The following VPS13D variants were observed in gnomAD, a reference collection of about 807,000 sequenced individuals.
VPS13D encodes vacuolar protein sorting 13 homolog D, also known as intermembrane lipid transfer protein VPS13D.
VPS13D carries 187 observed loss-of-function variants against 461.9 expected under a neutral mutation model. The ratio of observed to expected loss-of-function variants is 0.40; its 90% CI spans 0.36 to 0.46. The LOEUF (loss-of-function observed/expected upper bound fraction) is 0.46. VPS13D is among the 20% of genes least tolerant of loss of function. VPS13D has a pLI of 0.60. For synonymous variants in VPS13D, 1,951 were observed against 1,986.3 expected (o/e 0.98, Z 0.47); for missense variants, 4,711 against 5,364.9 (o/e 0.88, Z 3.81).
At chr1:12,352,106 A>G (rs1456702362) in intron 46 of VPS13D, among the ~76,000 whole-genome samples, 2 of 151,780 alleles carry the variant, frequency 1.3e-5, no homozygotes, top group Non-Finnish European at 1.5e-5. Flanking sequence ...CCTGGCCAAT[A>G]TGGTGAAACT....
At chr1:12,320,532 T>G (rs1418028801) in intron 32 of VPS13D, among the ~76,000 whole-genome samples, 3 of 152,174 alleles carry the variant, frequency 2.0e-5, no homozygotes, top group African/African-American at 7.2e-5. Flanking sequence ...ACAAACATAG[T>G]GGAATAAAGC....
rs542770506 is a variant in VPS13D, at chr1:12,457,806, G to A, written c.12466+1676G>A. 5.5e-4 allele frequency among the ~76,000 whole-genome samples: 84 copies of A among 152,316 alleles called. No individual in the cohort carries two copies. The Middle Eastern group carries it at 0.014, about 25-fold the overall frequency. ...TAAAGGGAGCTGTCCCTAAGGAGAC[G>A]TCAGGCCAGAAGTGAAATTTGGCTG... is the stretch of plus-strand genomic sequence containing the variant. On this transcript the variant is annotated intron_variant, in intron 66 of 69. Transcript: ENST00000620676.
At chr1:12,296,623 C>T (rs1238997878) in intron 24 of VPS13D, among the ~76,000 whole-genome samples, 2 of 152,122 alleles carry the variant, frequency 1.3e-5, no homozygotes, top group Admixed American at 1.3e-4. Context: ...ATTCTTATGA[C>T]TAATGCTTCC....
intron 29 of VPS13D, among the ~76,000 whole-genome samples, chr1:12,313,030 C>G (rs1484037798): frequency 6.6e-6 from 1 of 152,138 alleles, no homozygotes; most frequent in African/African-American, 2.4e-5. Flanking sequence ...TCATGTTGAT[C>G]TCTTATCAGT....
chr1:12,387,244 T>C (rs1644361649), intron 60 of VPS13D, among the ~76,000 whole-genome samples: 1 of 152,218 alleles, frequency 6.6e-6, no homozygotes, highest in African/African-American at 2.4e-5. Flanking sequence ...TGAGCACTGC[T>C]ATAGACTGCC....
chr1:12,506,727 G>A (rs972931359), intron 68 of VPS13D, 126 bp from the exon 69 acceptor site: 28 of 1,266,684 alleles, frequency 2.2e-5, no homozygotes, highest in Non-Finnish European at 2.6e-5. Flanking sequence ...GGATTTAGAA[G>A]TATTTCCCGG....
At chr1:12,499,370 C>G (rs1646005007) in intron 68 of VPS13D, 4 of 807,162 alleles carry the variant, frequency 5.0e-6, no homozygotes, top group Non-Finnish European at 6.0e-6. Flanking sequence ...TTTTTAGTCA[C>G]AGGCTAAATG....
Position 12,506,938 on chromosome 1 carries a change from G to T in VPS13D, c.12880G>T (p.Asp4294Tyr), listed in dbSNP as rs1445754344. Residue 4294 changes from aspartate to tyrosine, a missense_variant, in exon 69 of 70, where the codon GAT (aspartate) becomes TAT (tyrosine). Coordinates refer to ENST00000620676, the MANE Select transcript of VPS13D (RefSeq NM_015378.4). The part of the protein sequence containing the change: ...VYFLKSGDYV[D>Y]REAIFLEVKY... ...CTTCCTGAAAAGTGGAGACTACGTG[G>T]ATCGAGAAGCCATTTTCCTAGAAGT... is the stretch of plus-strand genomic sequence containing the variant. The T allele has an allele frequency of 1.9e-6, 3 of 1,614,256 alleles. No homozygotes were observed. The South Asian group carries it at 3.3e-5, about 18-fold the overall frequency.
chr1:12,260,756 G>T lies in VPS13D; in HGVS notation c.1174G>T (p.Val392Phe), dbSNP rs767503767. ...FEELKILREL[V>F]HDRFHKQEEL... ...GGAATTGAAGATTTTGCGTGAACTG[G>T]TTCATGATCGATTTCACAAACAGGA... Residue 392 changes from valine (V) to phenylalanine (F), a missense_variant, in exon 11 of 70, where the codon GTT becomes TTT. This residue lies in a region of VPS13D where 4,411 missense variants were observed against 4,937.8 expected (regional missense o/e 0.89). Coordinates refer to ENST00000620676, the MANE Select transcript of VPS13D (RefSeq NM_015378.4). 1 of 1,614,166 alleles carries T rather than the reference G, an allele frequency of 6.2e-7. No individual in the cohort carries two copies. Among genetic ancestry groups the T allele is most frequent in the Admixed American group, 1.7e-5 (1 of 60,024 alleles).
At chr1:12,346,516 C>A (rs1010196056) in intron 43 of VPS13D, 89 bp from the exon 44 acceptor site, 2 of 1,350,148 alleles carry the variant, frequency 1.5e-6, no homozygotes, top group Non-Finnish European at 2.1e-6. Context: ...ACAAACACGA[C>A]CCTTTGAAGA....
chr1:12,361,885 G>A (rs917092002), intron 50 of VPS13D, among the ~76,000 whole-genome samples: 1 of 152,136 alleles, frequency 6.6e-6, no homozygotes, highest in Non-Finnish European at 1.5e-5. Flanking sequence ...TTGAGACGGA[G>A]TCTCACACTG....
chr1:12,375,339 T>A (rs1644183802), intron 55 of VPS13D, among the ~76,000 whole-genome samples: 3 of 152,346 alleles, frequency 2.0e-5, no homozygotes, highest in Middle Eastern at 3.4e-3. Context: ...TAGGGTTTTT[T>A]AATCTATGTA....
intron 68 of VPS13D, among the ~76,000 whole-genome samples, chr1:12,504,751 G>A (rs1339925330): frequency 6.6e-6 from 1 of 152,200 alleles, no homozygotes; most frequent in African/African-American, 2.4e-5. Context: ...TGGCCTGATG[G>A]AGGACTTGAA....
In VPS13D at chr1:12,497,573, A is replaced by G. The variant is rs756079639; in HGVS notation, c.12736A>G (p.Ser4246Gly). 1.1e-5 allele frequency: 17 copies of G among 1,614,002 alleles called. No individual in the cohort carries two copies. The highest frequency in any genetic ancestry group is 5.0e-5 in the Admixed American group (3 of 59,998). Residue 4246 changes from serine to glycine, a missense_variant, in exon 68 of 70, where the codon AGC (serine) becomes GGC (glycine). Ser to Gly is a moderately conservative substitution (Grantham distance 56). This residue lies in a region of VPS13D where 194 missense variants were observed against 220.9 expected (regional missense o/e 0.88). Transcript: ENST00000620676. ...PQGLLPRYSE[S>G]QAEGQEQLFK... ...GGGGCTGCTTCCCCGATATTCTGAG[A>G]GCCAGGCGGAAGGACAGGAGCAGCT...
chr1:12,243,231 G>A (rs571793), intron 3 of VPS13D, among the ~76,000 whole-genome samples: 128,280 of 152,004 alleles, frequency 0.84, 54,639 homozygotes, highest in African/African-American at 0.96. Context: ...CTGGGATTAC[G>A]GGCGTGAGCC....
chr1:12,276,810 A>G lies in VPS13D; in HGVS notation c.3222A>G (p.Lys1074=). The G allele has an allele frequency of 1.9e-6, 3 of 1,614,198 alleles. No individual in the cohort carries two copies. The highest frequency in any genetic ancestry group is 1.7e-6 in the Non-Finnish European group (2 of 1,180,028). ...TTTCACTTGACAAAATTCTTACCAAAGAGCAAGAGTCCCTTATTAAGTTGG... is the reference window on the plus strand; with the variant it reads ...TTTCACTTGACAAAATTCTTACCAAGGAGCAAGAGTCCCTTATTAAGTTGG... The part of the protein sequence containing the change: ...TSVSLDKILT[K]EQESLIKLEY... The change falls in exon 19 of 70, where the codon AAA becomes AAG. Residue 1074 remains lysine, a synonymous_variant. Coordinates refer to ENST00000620676, the MANE Select transcript of VPS13D (RefSeq NM_015378.4). This position sits in a 1 kb window ranked among gnomAD's most constrained non-coding sequence, Gnocchi z 4.5.
rs772644485 is a variant in VPS13D, at chr1:12,368,538, T to A, written c.10519T>A (p.Phe3507Ile). ...CCGAGGAGCTACGTATAGGATCTCA[T>A]TTAGTGACACAGATCAGTTACCTCC... Reference protein sequence around the residue: ...TLRGATYRISFSDTDQLPPPF... With the variant: ...TLRGATYRISISDTDQLPPPF... The change falls in exon 53 of 70, where the codon TTT becomes ATT. Residue 3507 changes from phenylalanine to isoleucine, a missense_variant. Around this residue, in one of 3 missense-constraint regions of VPS13D, gnomAD observed 4,411 missense variants for 4,937.8 expected, o/e 0.89. Coordinates refer to ENST00000620676, the MANE Select transcript of VPS13D (RefSeq NM_015378.4). The A allele has an allele frequency of 4.3e-6, 7 of 1,613,972 alleles. No homozygotes were observed. The highest frequency in any genetic ancestry group is 5.9e-6 in the Non-Finnish European group (7 of 1,179,914).
At chr1:12,349,007 T>G in intron 45 of VPS13D, 34 bp downstream of exon 45, 1 of 1,613,370 alleles carries the variant, frequency 6.2e-7, no homozygotes, top group Non-Finnish European at 8.5e-7. Context: ...TAGTAAATGC[T>G]GATAAATACT....
intron 54 of VPS13D, among the ~76,000 whole-genome samples, chr1:12,372,296 A>G (rs2101631209): frequency 6.6e-6 from 1 of 152,046 alleles, no homozygotes; most frequent in African/African-American, 2.4e-5. Context: ...CTTGGGCCCA[A>G]ATGCTATCTA....
Sources: allele counts gnomAD v4.1 joint callset (sites outside exome capture counted in the v4.1 genomes callset), GRCh38; gene constraint gnomAD v4.1.1; regional missense constraint gnomAD v4.1.1; non-coding constraint Gnocchi (gnomAD v3.1); transcripts MANE v1.5; gene names NCBI Gene and HGNC (gene_info 2026-07-23, HGNC 2026-07-21).